The following RGS6 variants were observed in gnomAD, a reference collection of about 807,000 sequenced individuals.
RGS6 encodes regulator of G protein signaling 6.
Under a neutral mutation model 78.5 loss-of-function variants are expected in RGS6, and 30 were observed. The ratio of observed to expected loss-of-function variants is 0.38; its 90% CI spans 0.29 to 0.52. The LOEUF is 0.52. Among genes scored for constraint, RGS6 ranks in the 20% least tolerant of loss-of-function variants. The pLI is 0.85. For synonymous variants in RGS6, 206 were observed against 206.0 expected (o/e 1.00, Z 0.00); for missense variants, 495 against 609.7 (o/e 0.81, Z 1.98).
intron 8 of RGS6, among the ~76,000 whole-genome samples, chr14:72,471,385 T>C (rs2096073284): frequency 6.6e-6 from 1 of 152,214 alleles, no homozygotes; most frequent in African/African-American, 2.4e-5. Context: ...CCAGGGATGA[T>C]GTCTAGGTTA....
intron 2 of RGS6, among the ~76,000 whole-genome samples, chr14:72,113,525 T>C (rs923311108): frequency 2.6e-5 from 4 of 152,364 alleles, no homozygotes; most frequent in African/African-American, 7.2e-5. Flanking sequence ...TAGAGGGTTC[T>C]GCATGTGGTT....
the RGS6 span, among the ~76,000 whole-genome samples, chr14:71,897,232 G>C: frequency 6.6e-6 from 1 of 152,214 alleles, no homozygotes; most frequent in Non-Finnish European, 1.5e-5. Flanking sequence ...GGCAGCATTG[G>C]TGAAGTGGGG....
chr14:72,556,835 T>C (rs1452107555), intron 17 of RGS6, among the ~76,000 whole-genome samples: 1 of 152,008 alleles, frequency 6.6e-6, no homozygotes, highest in Non-Finnish European at 1.5e-5. Flanking sequence ...CTTTTTTGAT[T>C]AATTCACTTT....
intron 2 of RGS6, among the ~76,000 whole-genome samples, chr14:72,020,739 A>C (rs574856221): frequency 6.6e-6 from 1 of 152,240 alleles, no homozygotes; most frequent in South Asian, 2.1e-4. Flanking sequence ...ACTGTGTGCC[A>C]GGCACTGCTT....
intron 1 of RGS6, among the ~76,000 whole-genome samples, chr14:71,962,557 CTG>C (rs201893107): frequency 0.014 from 2,069 of 152,186 alleles, 42 homozygotes; most frequent in Admixed American, 0.065. Flanking sequence ...AAAAATAAAA[CTG>C]TGTGTTGTTC....
intron 2 of RGS6, among the ~76,000 whole-genome samples, chr14:71,990,259 T>C (rs1350752245): frequency 6.6e-6 from 1 of 152,100 alleles, no homozygotes; most frequent in Non-Finnish European, 1.5e-5. Flanking sequence ...GGGGAGCAAA[T>C]TTCAACATGA....
intron 3 of RGS6, among the ~76,000 whole-genome samples, chr14:72,408,991 A>G (rs2093178142): frequency 6.6e-6 from 1 of 152,206 alleles, no homozygotes; most frequent in African/African-American, 2.4e-5. Context: ...AATGACTCTT[A>G]TTCTGATGAA....
chr14:71,960,340 A>C (rs1353371818), intron 1 of RGS6, among the ~76,000 whole-genome samples: 1 of 152,236 alleles, frequency 6.6e-6, no homozygotes, highest in Non-Finnish European at 1.5e-5. Context: ...CATATCAATA[A>C]ACCTTGGGGA....
At chr14:72,300,657 G>C (rs1329951923) in intron 2 of RGS6, among the ~76,000 whole-genome samples, 1 of 152,194 alleles carries the variant, frequency 6.6e-6, no homozygotes, top group East Asian at 1.9e-4. Flanking sequence ...GTCAGTGAAG[G>C]GGGTGGCATA....
chr14:71,962,388 T>A (rs547898243), intron 1 of RGS6, among the ~76,000 whole-genome samples: 42 of 152,336 alleles, frequency 2.8e-4, no homozygotes, highest in South Asian at 2.1e-3. Context: ...TAGAAGAGAA[T>A]GTGCTCATTA....
chr14:72,220,799 A>G (rs1344067852), intron 2 of RGS6, among the ~76,000 whole-genome samples: 1 of 152,228 alleles, frequency 6.6e-6, no homozygotes, highest in Non-Finnish European at 1.5e-5. Context: ...AACATCAAAC[A>G]TATGCTCTGA....
At chr14:71,877,002 C>T in the RGS6 span, among the ~76,000 whole-genome samples, 8 of 152,168 alleles carry the variant, frequency 5.3e-5, no homozygotes, top group African/African-American at 9.7e-5. Context: ...TGAATATTGG[C>T]CCCCACTCTC....
chr14:71,989,489 G>A (rs929465963), intron 2 of RGS6, among the ~76,000 whole-genome samples: 9 of 152,356 alleles, frequency 5.9e-5, no homozygotes, highest in African/African-American at 1.9e-4. Flanking sequence ...TCTGCATCCT[G>A]CATGTTATAT....
chr14:72,293,360 C>CA (rs1225970070), intron 2 of RGS6, among the ~76,000 whole-genome samples: 2 of 152,132 alleles, frequency 1.3e-5, no homozygotes, highest in Non-Finnish European at 2.9e-5. Context: ...GGTCTGTTTG[C>CA]AAAAAATGTA....
intron 2 of RGS6, among the ~76,000 whole-genome samples, chr14:71,970,271 A>G (rs911922897): frequency 2.0e-5 from 3 of 152,186 alleles, no homozygotes; most frequent in African/African-American, 7.2e-5. Flanking sequence ...TTGTATATCA[A>G]CAGGTTAGTT....
At chr14:72,082,199 A>G (rs60105257) in intron 2 of RGS6, among the ~76,000 whole-genome samples, 23,525 of 152,006 alleles carry the variant, frequency 0.15, 1,886 homozygotes, top group Admixed American at 0.21. Flanking sequence ...TGTCATTGGT[A>G]TTGTGATAAA....
intron 2 of RGS6, among the ~76,000 whole-genome samples, chr14:72,165,117 G>A (rs1167731929): frequency 1.3e-5 from 2 of 152,176 alleles, no homozygotes; most frequent in African/African-American, 4.8e-5. Context: ...AACCCTGCTA[G>A]GAATAGAGAA....
chr14:72,100,849 A>T lies in RGS6; in HGVS notation c.84+135974A>T, dbSNP rs996667494. 3.7e-4 allele frequency among the ~76,000 whole-genome samples: 56 copies of T among 152,188 alleles called. 1 individual carries two copies. Among genetic ancestry groups the T allele is most frequent in the African/African-American group, 1.2e-3 (51 of 41,454 alleles). On this transcript the variant is annotated intron_variant, in intron 2 of 17. Coordinates refer to ENST00000553525, the MANE Select transcript of RGS6 (RefSeq NM_001204424.2). ...TCATAGTCTCTGGGAGATGGGAGCT[A>T]GGCATTGACATTTAAAAATGTATGT...
Position 72,421,936 on chromosome 14 carries a change from G to T in RGS6, c.185-32592G>T, listed in dbSNP as rs533623321. Among the ~76,000 whole-genome samples, 3 of 152,270 alleles carry T rather than the reference G, an allele frequency of 2.0e-5. No individual in the cohort carries two copies. The South Asian group carries it at 6.2e-4, about 32-fold the overall frequency. On this transcript the variant is annotated intron_variant, in intron 3 of 17. Transcript: ENST00000553525. ...AGAATCATTCCACAGATTAAATGGC[G>T]ATATGGCTTGTCTGTGTTCACACTC...
Sources: gnomAD v4.1 joint callset for allele counts (sites outside exome capture counted in the v4.1 genomes callset) on GRCh38, gnomAD v4.1.1 for gene constraint, MANE v1.5 for transcripts, NCBI Gene and HGNC (gene_info 2026-07-23, HGNC 2026-07-21) for gene names.